Variants in SLC25A17 observed in about 807,000 individuals in gnomAD.
SLC25A17 encodes peroxisomal membrane protein PMP34.
SLC25A17 carries 26 observed loss-of-function variants against 38.5 expected under a neutral mutation model. That is an observed-to-expected ratio of 0.68 (90% confidence interval 0.50 to 0.94). The LOEUF is 0.94. SLC25A17 is among the 40% of genes least tolerant of loss of function. The pLI is 0.00. For missense variants in SLC25A17, 333 were observed against 372.7 expected (o/e 0.89, Z 0.88); for synonymous variants, 139 against 136.2 (o/e 1.02, Z -0.14).
chr22:40,800,650 A>T (rs563042729), intron 1 of SLC25A17, among the ~76,000 whole-genome samples: 2 of 152,130 alleles, frequency 1.3e-5, no homozygotes, highest in African/African-American at 2.4e-5. Context: ...TCTGGCCTCA[A>T]CTTCCCAAAG....
chr22:40,795,728 A>T (rs1344100866), intron 2 of SLC25A17, among the ~76,000 whole-genome samples: 2 of 152,220 alleles, frequency 1.3e-5, no homozygotes, highest in Non-Finnish European at 2.9e-5. Flanking sequence ...GAGGCTATAG[A>T]CACAAAAACT....
chr22:40,816,219 A>G (rs1175937514), intron 1 of SLC25A17, among the ~76,000 whole-genome samples: 1 of 152,014 alleles, frequency 6.6e-6, no homozygotes, highest in East Asian at 1.9e-4. Context: ...AAAGAAAGAA[A>G]GAAAGAAAAA....
chr22:40,782,906 CTTGT>C (rs912011099), intron 4 of SLC25A17, among the ~76,000 whole-genome samples: 10 of 152,116 alleles, frequency 6.6e-5, no homozygotes, highest in Non-Finnish European at 1.5e-4. Context: ...GCTTTATAGG[CTTGT>C]TTTTCTGGGA....
At chr22:40,775,060 C>G (rs1447202872) in intron 7 of SLC25A17, among the ~76,000 whole-genome samples, 3 of 152,086 alleles carry the variant, frequency 2.0e-5, no homozygotes, top group African/African-American at 7.2e-5. Flanking sequence ...ACCAATTCAC[C>G]ACATAATAGC....
chr22:40,788,398 A>C (rs746048588), intron 4 of SLC25A17, among the ~76,000 whole-genome samples: 6 of 152,236 alleles, frequency 3.9e-5, no homozygotes, highest in Non-Finnish European at 7.3e-5. Context: ...AGGCTGGACA[A>C]TAATAAACAC....
chr22:40,789,680 G>T lies in SLC25A17; in HGVS notation c.334+2845C>A, dbSNP rs753184222. 1.3e-5 allele frequency among the ~76,000 whole-genome samples: 2 copies of T among 151,644 alleles called. No homozygotes were observed. The highest frequency in any genetic ancestry group is 4.2e-4 in the South Asian group (2 of 4,798). On this transcript the variant is annotated intron_variant, in intron 4 of 8. Coordinates refer to ENST00000435456, the MANE Select transcript of SLC25A17 (RefSeq NM_006358.4). This position sits in a 1 kb window ranked among gnomAD's most constrained non-coding sequence, Gnocchi z 4.5. ...TGCTACCACACCTGGCTAATTTTTT[G>T]TATTTTCAGTAAAGGTGGGGTTTCA...
Position 40,819,297 on chromosome 22 carries a change from A to G in SLC25A17, c.-49T>C. ...GCCACACTTTTCCCACAGATGCCGCAGCCAGTGGAGTTAGGAAAGGAGCAC... is the reference window on the plus strand; with the variant it reads ...GCCACACTTTTCCCACAGATGCCGCGGCCAGTGGAGTTAGGAAAGGAGCAC... On this transcript the variant is annotated 5_prime_UTR_variant, in exon 1 of 9. Transcript: ENST00000435456. 2 of 1,601,164 alleles carry G rather than the reference A, an allele frequency of 1.2e-6. No individual in the cohort carries two copies. Among genetic ancestry groups the G allele is most frequent in the Non-Finnish European group, 8.5e-7 (1 of 1,170,924 alleles).
At chr22:40,812,482 C>T (rs1836628131) in intron 1 of SLC25A17, among the ~76,000 whole-genome samples, 1 of 152,046 alleles carries the variant, frequency 6.6e-6, no homozygotes, top group Admixed American at 6.6e-5. Context: ...GCCTTTTAAG[C>T]ATAAAACAAT....
intron 8 of SLC25A17, among the ~76,000 whole-genome samples, chr22:40,771,356 C>T (rs941030919): frequency 2.6e-5 from 4 of 152,066 alleles, no homozygotes; most frequent in Admixed American, 6.6e-5. Context: ...GTGATCTGCC[C>T]GCCTCAGCCT....
intron 4 of SLC25A17, among the ~76,000 whole-genome samples, chr22:40,785,428 G>A (rs1409612122): frequency 6.6e-6 from 1 of 152,224 alleles, no homozygotes; most frequent in Non-Finnish European, 1.5e-5. Context: ...TTTGTCTAAA[G>A]TTTATCATTT....
rs1174958080 is a variant in SLC25A17 at position 40,789,014 on chromosome 22, T to C, written c.334+3511A>G. ...AAGGTATGCATGGTATGTGTTTCCATGGACTTCTTCGTATTCTCATAGTAT... is the reference window on the plus strand; with the variant it reads ...AAGGTATGCATGGTATGTGTTTCCACGGACTTCTTCGTATTCTCATAGTAT... On this transcript the variant is annotated intron_variant, in intron 4 of 8. Transcript: ENST00000435456. The surrounding 1 kb of genome is among the most constrained non-coding windows in gnomAD (Gnocchi z 4.5). 5.2e-5 allele frequency: 16 copies of C among 307,996 alleles called. No homozygotes were observed. Among genetic ancestry groups the C allele is most frequent in the Non-Finnish European group, 9.1e-5 (14 of 153,278 alleles). The allele number at this position is 307,996 out of a possible 1,614,324, so 19.1% of individuals were successfully genotyped here. A position where few individuals can be genotyped will look rare whatever the true frequency, so the allele number is the denominator to read the frequency against.
Position 40,794,539 on chromosome 22 carries a change from G to A in SLC25A17, c.157C>T (p.Leu53=). ...RKSKTTHMVL[L]EIIKEEGLLA... is the part of the protein sequence containing the mutation. ...AGTCCTTCTTCTTTAATGATCTCCAGGAGCACCATGTGTGTAGTTTTGGAT... is the reference window on the plus strand; with the variant it reads ...AGTCCTTCTTCTTTAATGATCTCCAAGAGCACCATGTGTGTAGTTTTGGAT... The change falls in exon 3 of 9, where the codon CTG becomes TTG. Residue 53 remains leucine (L), a synonymous_variant. Coordinates refer to ENST00000435456, the MANE Select transcript of SLC25A17 (RefSeq NM_006358.4). 1 of 1,611,668 alleles carries A rather than the reference G, an allele frequency of 6.2e-7. No homozygotes were observed. Among genetic ancestry groups the A allele is most frequent in the South Asian group, 1.1e-5 (1 of 90,976 alleles).
chr22:40,783,846 T>A (rs937275363), intron 4 of SLC25A17, among the ~76,000 whole-genome samples: 1 of 152,126 alleles, frequency 6.6e-6, no homozygotes. Flanking sequence ...GCTGGGATGA[T>A]AGGTGCCCGC....
chr22:40,795,188 T>C (rs1227293193), intron 2 of SLC25A17, among the ~76,000 whole-genome samples: 1 of 152,264 alleles, frequency 6.6e-6, no homozygotes, highest in Non-Finnish European at 1.5e-5. Flanking sequence ...GACCATGTGC[T>C]AAATTCCCAC....
In SLC25A17 at chr22:40,794,627, A is replaced by T. The variant is rs79609780; in HGVS notation, c.116-47T>A. The T allele has an allele frequency of 1.7e-3, 2,059 of 1,198,296 alleles. 8 individuals carry two copies. The highest frequency in any genetic ancestry group is 5.2e-3 in the African/African-American group (328 of 63,444). 74.2% of individuals were successfully genotyped at this position (1,198,296 alleles called of 1,614,324 possible). A position where few individuals can be genotyped will look rare whatever the true frequency, so the allele number is the denominator to read the frequency against. ...GTTTATTTTATTAATTAAAAAAAAA[A>T]TTTTTTTTTTGAGACAGAGTCTCAC... On this transcript the variant is annotated intron_variant, in intron 2 of 8. Transcript: ENST00000435456.
At chr22:40,794,464 G>A (rs1437359102) in intron 3 of SLC25A17, 50 bp downstream of exon 3, 7 of 1,087,120 alleles carry the variant, frequency 6.4e-6, no homozygotes, top group Non-Finnish European at 9.9e-6. Context: ...GGAAGCACAG[G>A]AATCTCCTAA....
At chr22:40,787,459 C>A (rs1234413281) in intron 4 of SLC25A17, among the ~76,000 whole-genome samples, 2 of 152,150 alleles carry the variant, frequency 1.3e-5, no homozygotes, top group African/African-American at 2.4e-5. Context: ...CTACCTGTTA[C>A]AAGGGCTCAG....
chr22:40,796,599 A>G (rs138304), intron 2 of SLC25A17, among the ~76,000 whole-genome samples: 107,514 of 150,480 alleles, frequency 0.71, 39,596 homozygotes, highest in African/African-American at 0.88. Flanking sequence ...CAACCTGGGT[A>G]AGAGAGACTC....
At chr22:40,816,998 G>A (rs1288166079) in intron 1 of SLC25A17, among the ~76,000 whole-genome samples, 2 of 152,154 alleles carry the variant, frequency 1.3e-5, no homozygotes, top group African/African-American at 4.8e-5. Flanking sequence ...ACCTAGAACA[G>A]CGTGTGGCAC....
Sources: allele counts gnomAD v4.1 joint callset (sites outside exome capture counted in the v4.1 genomes callset), GRCh38; gene constraint gnomAD v4.1.1; non-coding constraint Gnocchi (gnomAD v3.1); transcripts MANE v1.5; gene names NCBI Gene and HGNC (gene_info 2026-07-23, HGNC 2026-07-21).